The following LPA variants were observed in gnomAD, a reference collection of about 807,000 sequenced individuals.
LPA encodes apolipoprotein(a).
LPA carries 199 observed loss-of-function variants against 197.9 expected under a neutral mutation model. The observed-to-expected ratio is 1.01, with a 90% CI of 0.90 to 1.13. LPA has a LOEUF of 1.13. Among genes scored for constraint, LPA ranks in the 50% most tolerant of loss-of-function variants. The pLI, the probability that LPA is intolerant of heterozygous loss-of-function variation, is 0.00. For missense variants in LPA, 1,853 were observed against 1,785.8 expected (o/e 1.04, Z -0.68); for synonymous variants, 715 against 639.5 (o/e 1.12, Z -1.78).
chr6:160,573,974 C>G (rs1027918529), intron 28 of LPA, among the ~76,000 whole-genome samples: 4 of 152,104 alleles, frequency 2.6e-5, no homozygotes, highest in Non-Finnish European at 5.9e-5. Flanking sequence ...ATTATATGCT[C>G]TTTGTCTTCT....
chr6:160,600,031 T>C (rs1779208227), intron 19 of LPA, among the ~76,000 whole-genome samples: 1 of 152,122 alleles, frequency 6.6e-6, no homozygotes, highest in South Asian at 2.1e-4. Context: ...GAAAAGCAAG[T>C]CTCCAAGCAT....
intron 24 of LPA, among the ~76,000 whole-genome samples, chr6:160,587,369 A>T (rs1044076266): frequency 1.3e-5 from 2 of 152,016 alleles, no homozygotes; most frequent in Admixed American, 1.3e-4. Context: ...ATTTCCTTCC[A>T]TCCTCTTTCC....
At chr6:160,566,457 C>G (rs942007816) in intron 28 of LPA, among the ~76,000 whole-genome samples, 17 of 150,512 alleles carry the variant, frequency 1.1e-4, no homozygotes, top group Non-Finnish European at 2.5e-4. Flanking sequence ...ATTTTGTCAC[C>G]ACCAGGCCTG....
chr6:160,589,564 G>C lies in LPA; in HGVS notation c.3936C>G (p.Tyr1312Ter). 1 of 1,613,744 alleles carries C rather than the reference G, an allele frequency of 6.2e-7. No individual in the cohort carries two copies. Among genetic ancestry groups the C allele is most frequent in the Non-Finnish European group, 8.5e-7 (1 of 1,179,804 alleles). Reference protein sequence around the residue: ...TPHWHQRTTEYYPNGGLTRNY... With the variant: ...TPHWHQRTTE ...ACTCAAAGACATACCCATTTGGGTA[G>C]TATTCTGTGGTTCTCTGATGCCAGT... Residue 1312 changes from tyrosine (Y) to a stop codon, truncating the protein, a stop_gained, in exon 24 of 39, where the codon TAC (tyrosine) becomes TAG (stop). Coordinates refer to ENST00000316300, the MANE Select transcript of LPA (RefSeq NM_005577.4). LOFTEE classifies it high-confidence loss of function.
intron 16 of LPA, among the ~76,000 whole-genome samples, chr6:160,607,407 T>C (rs972211005): frequency 6.6e-6 from 1 of 152,032 alleles, no homozygotes; most frequent in African/African-American, 2.4e-5. Flanking sequence ...TGGCCGCAGC[T>C]ACTCTGCACT....
chr6:160,569,599 A>C (rs989153692), intron 28 of LPA, among the ~76,000 whole-genome samples: 3 of 152,308 alleles, frequency 2.0e-5, no homozygotes, highest in African/African-American at 7.2e-5. Context: ...AAATCACCAA[A>C]AGCAATAGCA....
Position 160,547,773 on chromosome 6 carries a change from A to G in LPA, c.5304+16T>C. The G allele has an allele frequency of 6.2e-7, 1 of 1,613,888 alleles. No individual in the cohort carries two copies. The highest frequency in any genetic ancestry group is 8.5e-7 in the Non-Finnish European group (1 of 1,179,942). On this transcript the variant is annotated intron_variant, in intron 32 of 38. Coordinates refer to ENST00000316300, the MANE Select transcript of LPA (RefSeq NM_005577.4). ...TGTCAGCAAAGGGAAAAAGAGTCCA[A>G]ATCAAAGTGGCTTACATTTTTTTCC...
intron 28 of LPA, among the ~76,000 whole-genome samples, chr6:160,573,280 AT>A (rs1562326604): frequency 6.6e-6 from 1 of 151,364 alleles, no homozygotes. Context: ...AGTCTACTGA[AT>A]TTTTTATTGT....
intron 2 of LPA, among the ~76,000 whole-genome samples, chr6:160,648,768 TCTTA>T (rs1320525209): frequency 2.0e-5 from 3 of 152,190 alleles, no homozygotes; most frequent in African/African-American, 7.2e-5. Context: ...CTCTTTATAC[TCTTA>T]CTGTCTCTGG....
chr6:160,599,920 G>A (rs1276687877), intron 19 of LPA, among the ~76,000 whole-genome samples: 1 of 152,176 alleles, frequency 6.6e-6, no homozygotes, highest in Non-Finnish European at 1.5e-5. Context: ...CTTCTCATCG[G>A]AAACTCCACT....
intron 1 of LPA, among the ~76,000 whole-genome samples, chr6:160,655,412 C>G (rs1396010580): frequency 1.3e-5 from 2 of 152,224 alleles, no homozygotes; most frequent in Non-Finnish European, 2.9e-5. Context: ...AATGGCAGAG[C>G]AGCTTTCACA....
chr6:160,615,349 A>AATTTGTGTGTGTGTGT (rs1562346197), intron 14 of LPA, among the ~76,000 whole-genome samples: 8 of 141,554 alleles, frequency 5.7e-5, no homozygotes, highest in African/African-American at 2.3e-4. Flanking sequence ...GTGTGTTTTC[A>AATTTGTGTGTGTGTGT]GTTTGTGTGT....
chr6:160,591,089 C>G lies in LPA; in HGVS notation c.3642G>C (p.Arg1214Ser). 1 of 1,613,604 alleles carries G rather than the reference C, an allele frequency of 6.2e-7. No homozygotes were observed. Among genetic ancestry groups the G allele is most frequent in the Non-Finnish European group, 8.5e-7 (1 of 1,179,884 alleles). Residue 1214 changes from arginine (R) to serine (S), a missense_variant, in exon 23 of 39, where the codon AGG (arginine) becomes AGC (serine). Physicochemically the swap from Arg to Ser is moderately radical, Grantham distance 110 (BLOSUM62 -1). Transcript: ENST00000316300. ...CAGCATCTGGATTCCTGCAGTAGTT[C>G]CTGGTCAGGCCACTGCAAATTACAA... ...TEYYPNGGLT[R>S]NYCRNPDAEI...
chr6:160,609,376 T>C (rs115704782), intron 16 of LPA, among the ~76,000 whole-genome samples: 3,032 of 152,268 alleles, frequency 0.02, 91 homozygotes, highest in Middle Eastern at 0.19. Context: ...CTTCCAGTGT[T>C]TCTGAGGTGA....
chr6:160,607,744 C>T (rs1779389937), intron 16 of LPA, among the ~76,000 whole-genome samples: 1 of 152,128 alleles, frequency 6.6e-6, no homozygotes, highest in South Asian at 2.1e-4. Context: ...CCCAGACCCT[C>T]CATTCCAGGA....
chr6:160,555,466 T>C (rs1001204499), intron 30 of LPA, among the ~76,000 whole-genome samples: 1 of 145,188 alleles, frequency 6.9e-6, no homozygotes, highest in African/African-American at 2.5e-5. Context: ...TGTGTGTGTA[T>C]ATATATATGT....
intron 29 of LPA, among the ~76,000 whole-genome samples, chr6:160,557,091 T>G (rs2115011918): frequency 6.6e-6 from 1 of 152,284 alleles, no homozygotes; most frequent in Non-Finnish European, 1.5e-5. Flanking sequence ...AGTGTGAAAT[T>G]TGGCACAAAT....
chr6:160,587,773 G>GTGTA (rs1436798022), intron 24 of LPA, among the ~76,000 whole-genome samples: 2 of 119,338 alleles, frequency 1.7e-5, no homozygotes, highest in Non-Finnish European at 3.4e-5. Flanking sequence ...GTGTGTGTGT[G>GTGTA]TGTGTGTGTG....
rs748153271 is a variant in LPA at position 160,650,494 on chromosome 6, G to A, written c.53C>T (p.Ala18Val). The A allele has an allele frequency of 5.0e-6, 8 of 1,613,232 alleles. 1 individual carries two copies. In the South Asian group the frequency reaches 8.8e-5, roughly 18 times the overall value. The change falls in exon 2 of 39, where the codon GCA (alanine) becomes GTA (valine). Residue 18 changes from alanine (A) to valine (V), a missense_variant. By Grantham distance (64) the Ala-to-Val change is moderately conservative. Coordinates refer to ENST00000316300, the MANE Select transcript of LPA (RefSeq NM_005577.4). ...CTGGACCACATGGCTTTGCTCAGGT[G>A]CTGCTAAAATTAAAACAGAAGAAAT... ...LLLLLFLKSA[A>V]PEQSHVVQDC... is the part of the protein sequence containing the mutation.
Sources: gnomAD v4.1 joint callset for allele counts (sites outside exome capture counted in the v4.1 genomes callset) on GRCh38, gnomAD v4.1.1 for gene constraint, MANE v1.5 for transcripts, NCBI Gene and HGNC (gene_info 2026-07-23, HGNC 2026-07-21) for gene names.